SLC7A11: variants seen among roughly 807,000 people sequenced by gnomAD.
SLC7A11 encodes the protein cystine/glutamate transporter.
In SLC7A11, 35 loss-of-function variants were observed where a neutral mutation model predicts 54.5. That is an observed-to-expected ratio of 0.64 (90% CI 0.49 to 0.85). The LOEUF (loss-of-function observed/expected upper bound fraction) is 0.85. SLC7A11 is among the 40% of genes least tolerant of loss of function. SLC7A11 has a pLI of 0.00. For synonymous variants in SLC7A11, 230 were observed against 225.2 expected (o/e 1.02, Z -0.19); for missense variants, 583 against 618.1 (o/e 0.94, Z 0.60).
chr4:138,227,141 A>G (rs1344292199), intron 3 of SLC7A11, among the ~76,000 whole-genome samples: 3 of 152,228 alleles, frequency 2.0e-5, no homozygotes, highest in East Asian at 3.8e-4. Context: ...TGGGTTTTGA[A>G]GAGTGAGATT....
rs1393584113 is a variant in SLC7A11, at chr4:138,169,957, T to C, written c.*1999A>G. The C allele has an allele frequency of 1.3e-5, 2 of 151,804 alleles. No individual in the cohort carries two copies. The highest frequency in any genetic ancestry group is 2.9e-5 in the Non-Finnish European group (2 of 67,936). The allele number at this position is 151,804 out of a possible 1,614,324, so 9.4% of individuals were successfully genotyped here. The stretch of plus-strand genomic sequence containing the variant: ...ATATTAAATGTTTTCAAGAGCAAAA[T>C]TGAAATTACTGAATTGGAAATGCTC... On this transcript the variant is annotated 3_prime_UTR_variant, in exon 12 of 12. Transcript: ENST00000280612.
At chr4:138,195,306 CT>C (rs1205375576) in intron 6 of SLC7A11, among the ~76,000 whole-genome samples, 2 of 152,146 alleles carry the variant, frequency 1.3e-5, no homozygotes, top group African/African-American at 2.4e-5. Context: ...TTATCAAAAC[CT>C]TATTGCAAGA....
intron 11 of SLC7A11, chr4:138,177,239 TTAA>T (rs773032153): frequency 8.5e-5 from 13 of 152,134 alleles, no homozygotes; most frequent in African/African-American, 2.9e-4. Flanking sequence ...GCATTATTTA[TTAA>T]TAATTTAACC....
chr4:138,235,388 T>C (rs1435440659), intron 2 of SLC7A11, among the ~76,000 whole-genome samples: 1 of 146,524 alleles, frequency 6.8e-6, no homozygotes, highest in Admixed American at 7.2e-5. Context: ...ATATACTACT[T>C]TGAAGATCTT....
rs937477589 is a variant in SLC7A11, at chr4:138,167,825, G to A, written c.*4131C>T. The A allele has an allele frequency of 2.0e-5, 3 of 152,070 alleles. No homozygotes were observed. The highest frequency in any genetic ancestry group is 4.4e-5 in the Non-Finnish European group (3 of 67,998). 9.4% of individuals were successfully genotyped at this position (152,070 alleles called of 1,614,324 possible). A position where few individuals can be genotyped will look rare whatever the true frequency, so the allele number is the denominator to read the frequency against. ...AGAATATATTCAAGTAAAATAAAAT[G>A]TCTTTCATGGGCATTCAAATCCCAC... On this transcript the variant is annotated 3_prime_UTR_variant, in exon 12 of 12. Coordinates refer to ENST00000280612, the MANE Select transcript of SLC7A11 (RefSeq NM_014331.4).
Position 138,164,551 on chromosome 4 carries a change from C to CATAG in SLC7A11, c.*7401_*7404dup, listed in dbSNP as rs1274730496. On this transcript the variant is annotated 3_prime_UTR_variant, in exon 12 of 12. Transcript: ENST00000280612. ...AGTCTCTCTGCACCATTTATATCTTCATAGATAAATATCTTAGTTCTAATA... is the reference window on the plus strand; with the variant it reads ...AGTCTCTCTGCACCATTTATATCTTCATAGATAGATAAATATCTTAGTTCTAATA... 2 of 152,134 alleles carry CATAG rather than the reference C, an allele frequency of 1.3e-5. No homozygotes were observed. Among genetic ancestry groups the CATAG allele is most frequent in the African/African-American group, 4.8e-5 (2 of 41,446 alleles). 9.4% of individuals were successfully genotyped at this position (152,134 alleles called of 1,614,324 possible).
chr4:138,178,376 C>T lies in SLC7A11; in HGVS notation c.1444+841G>A, dbSNP rs144833703. On this transcript the variant is annotated intron_variant, in intron 11 of 11. Coordinates refer to ENST00000280612, the MANE Select transcript of SLC7A11 (RefSeq NM_014331.4). ...ATGTGCCACATTTTCCTTATCCATT[C>T]TATCATTGATGGGCATTTGGGTTGG... is the stretch of plus-strand genomic sequence containing the variant. Among the ~76,000 whole-genome samples the T allele has an allele frequency of 9.9e-5, 15 of 152,242 alleles. No individual in the cohort carries two copies. The East Asian group carries it at 2.9e-3, about 29-fold the overall frequency.
chr4:138,179,441 CAG>C, intron 10 of SLC7A11, 47 bp from the exon 11 acceptor site: 1 of 1,546,754 alleles, frequency 6.5e-7, no homozygotes, highest in Non-Finnish European at 8.9e-7. Context: ...GTTCAAGCAA[CAG>C]AAGCTGGGTT....
chr4:138,221,967 AC>A (rs1737823580), intron 4 of SLC7A11, among the ~76,000 whole-genome samples: 1 of 152,210 alleles, frequency 6.6e-6, no homozygotes, highest in African/African-American at 2.4e-5. Context: ...TAAAGCACTA[AC>A]AAAACAGATT....
chr4:138,168,530 A>C lies in SLC7A11; in HGVS notation c.*3426T>G, dbSNP rs115963036. 1.3e-5 allele frequency: 2 copies of C among 152,144 alleles called. No homozygotes were observed. Among genetic ancestry groups the C allele is most frequent in the Non-Finnish European group, 1.5e-5 (1 of 68,030 alleles). The allele number at this position is 152,144 out of a possible 1,614,324, so 9.4% of individuals were successfully genotyped here. A position where few individuals can be genotyped will look rare whatever the true frequency, so the allele number is the denominator to read the frequency against. Reference sequence around the variant, plus strand: ...TGTAGACTGATTACAGTTCATGAGGAATTCTGTTATGTAATTATACTCTTG... The same window carrying C: ...TGTAGACTGATTACAGTTCATGAGGCATTCTGTTATGTAATTATACTCTTG... On this transcript the variant is annotated 3_prime_UTR_variant, in exon 12 of 12. Coordinates refer to ENST00000280612, the MANE Select transcript of SLC7A11 (RefSeq NM_014331.4).
At chr4:138,213,209 A>G (rs187903985) in intron 6 of SLC7A11, among the ~76,000 whole-genome samples, 1 of 152,170 alleles carries the variant, frequency 6.6e-6, no homozygotes, top group East Asian at 1.9e-4. Context: ...TATAGATATG[A>G]CAATATTGGC....
intron 11 of SLC7A11, among the ~76,000 whole-genome samples, chr4:138,173,014 T>C (rs954479173): frequency 6.6e-6 from 1 of 152,018 alleles, no homozygotes; most frequent in African/African-American, 2.4e-5. Flanking sequence ...CGGCTAATTT[T>C]GTATTTTTAG....
In SLC7A11 at chr4:138,236,371, G is replaced by A. The variant is rs1738207385; in HGVS notation, c.358C>T (p.Pro120Ser). The change falls in exon 2 of 12, where the codon CCA becomes TCA. Residue 120 changes from proline to serine, a missense_variant. By Grantham distance (74) the Pro-to-Ser change is moderately conservative. Transcript: ENST00000280612. ...CAGACTCGTACAAAAGCTGGTAATG[G>A]ACCAAAGACTTCCAAAATATATGTG... ...HYTYILEVFG[P>S]LPAFVRVWVE... The A allele has an allele frequency of 6.2e-7, 1 of 1,613,206 alleles. No individual in the cohort carries two copies. Among genetic ancestry groups the A allele is most frequent in the Non-Finnish European group, 8.5e-7 (1 of 1,179,412 alleles).
intron 11 of SLC7A11, among the ~76,000 whole-genome samples, chr4:138,173,247 T>C (rs560398905): frequency 1.3e-5 from 2 of 152,294 alleles, no homozygotes; most frequent in East Asian, 1.9e-4. Context: ...CAGGCCCAGA[T>C]AGTCTTTCAT....
chr4:138,222,530 T>A (rs1737837997), intron 4 of SLC7A11, among the ~76,000 whole-genome samples: 2 of 152,248 alleles, frequency 1.3e-5, no homozygotes, highest in African/African-American at 4.8e-5. Flanking sequence ...CAACTGCATG[T>A]GCCTTCTTTC....
At chr4:138,188,735 C>A (rs989161461) in intron 6 of SLC7A11, among the ~76,000 whole-genome samples, 1 of 152,138 alleles carries the variant, frequency 6.6e-6, no homozygotes, top group Non-Finnish European at 1.5e-5. Context: ...GAGGAAGGAA[C>A]CAGTAGGCCA....
rs752680028 is a variant in SLC7A11, at chr4:138,170,271, T to TATAC, written c.*1684_*1685insGTAT. 6.3e-3 allele frequency: 546 copies of TATAC among 86,218 alleles called. 8 individuals carry two copies. The highest frequency in any genetic ancestry group is 0.021 in the East Asian group (59 of 2,828). The allele number at this position is 86,218 out of a possible 1,614,324, so 5.3% of individuals were successfully genotyped here. A position where few individuals can be genotyped will look rare whatever the true frequency, so the allele number is the denominator to read the frequency against. ...GTGTGTATATATATATATATATATA[T>TATAC]ACACACACACACACACACACACATA... On this transcript the variant is annotated 3_prime_UTR_variant, in exon 12 of 12. Coordinates refer to ENST00000280612, the MANE Select transcript of SLC7A11 (RefSeq NM_014331.4).
chr4:138,199,807 T>C (rs958431839), intron 6 of SLC7A11, among the ~76,000 whole-genome samples: 1 of 152,126 alleles, frequency 6.6e-6, no homozygotes, highest in African/African-American at 2.4e-5. Flanking sequence ...AGAGTCCACG[T>C]TGTGACTTGG....
At chr4:138,222,493 C>T (rs563560859) in intron 4 of SLC7A11, among the ~76,000 whole-genome samples, 20 of 152,188 alleles carry the variant, frequency 1.3e-4, no homozygotes, top group Admixed American at 3.3e-4. Context: ...GAATCTCTGT[C>T]CTCCAACAAT....
Sources: allele counts gnomAD v4.1 joint callset (sites outside exome capture counted in the v4.1 genomes callset), GRCh38; gene constraint gnomAD v4.1.1; transcripts MANE v1.5; gene names NCBI Gene and HGNC (gene_info 2026-07-23, HGNC 2026-07-21).